The following COMMD2 variants were observed in gnomAD, a reference collection of about 807,000 sequenced individuals.
COMMD2 encodes the protein COMM domain-containing protein 2.
Under a neutral mutation model 22.5 loss-of-function variants are expected in COMMD2, and 25 were observed. The ratio of observed to expected loss-of-function variants is 1.11; its 90% CI spans 0.81 to 1.55. The LOEUF (loss-of-function observed/expected upper bound fraction) is 1.55. Ranked by LOEUF, COMMD2 falls within the 40% of genes most tolerant of loss-of-function variation. COMMD2 has a pLI of 0.00. For missense variants in COMMD2, 223 were observed against 232.9 expected, an observed-to-expected ratio of 0.96 and a Z score of 0.28; for synonymous variants, 98 against 91.2, an observed-to-expected ratio of 1.07 and a Z score of -0.42.
rs1159672337 is a variant in COMMD2 at position 149,738,569 on chromosome 3, A to G, written c.*2952T>C. ...GGTCTCATATAGTCCTTACGAGTCA[A>G]TGTGGTAGGTAATCCTATATTCCTA... On this transcript the variant is annotated 3_prime_UTR_variant, in exon 5 of 5. Transcript: ENST00000473414. 6.6e-6 allele frequency: 1 copy of G among 152,084 alleles called. No homozygotes were observed. Among genetic ancestry groups the G allele is most frequent in the Non-Finnish European group, 1.5e-5 (1 of 67,956 alleles). 9.4% of individuals were successfully genotyped at this position (152,084 alleles called of 1,614,324 possible). A position where few individuals can be genotyped will look rare whatever the true frequency, so the allele number is the denominator to read the frequency against.
At chr3:149,747,968 A>G (rs891262933) in intron 4 of COMMD2, among the ~76,000 whole-genome samples, 1 of 151,580 alleles carries the variant, frequency 6.6e-6, no homozygotes, top group Non-Finnish European at 1.5e-5. Context: ...AAAAAAAAAA[A>G]AAAGGCTTAG....
At chr3:149,749,966 T>C (rs1687697617) in intron 4 of COMMD2, among the ~76,000 whole-genome samples, 1 of 152,222 alleles carries the variant, frequency 6.6e-6, no homozygotes, top group Non-Finnish European at 1.5e-5. Flanking sequence ...AGAAAGTATC[T>C]TACACTTCTT....
In COMMD2 at chr3:149,741,471, T is replaced by C; in HGVS notation, c.*50A>G. On this transcript the variant is annotated 3_prime_UTR_variant, in exon 5 of 5. Coordinates refer to ENST00000473414, the MANE Select transcript of COMMD2 (RefSeq NM_016094.4). ...TTAATTTTGAAAAGTAATTGCTGTA[T>C]ATCATCAATTCATAAGTGATTCAAA... The C allele has an allele frequency of 8.8e-6, 12 of 1,369,174 alleles. No homozygotes were observed. The highest frequency in any genetic ancestry group is 1.3e-5 in the Non-Finnish European group (12 of 957,972). 84.8% of individuals were successfully genotyped at this position (1,369,174 alleles called of 1,614,324 possible).
chr3:149,750,892 T>C (rs1716510464), intron 3 of COMMD2, 41 bp from the exon 4 acceptor site: 2 of 1,312,456 alleles, frequency 1.5e-6, no homozygotes, highest in African/African-American at 1.5e-5. Flanking sequence ...AATTTATCTT[T>C]GTCTAGCTAA....
Position 149,740,400 on chromosome 3 carries a change from G to A in COMMD2, c.*1121C>T, listed in dbSNP as rs1716178574. On this transcript the variant is annotated 3_prime_UTR_variant, in exon 5 of 5. Transcript: ENST00000473414. ...AAAAAGTGACTATAATTTGTATCCA[G>A]GACAATCAAGAATTGATTATATTTC... 1 of 152,128 alleles carries A rather than the reference G, an allele frequency of 6.6e-6. No homozygotes were observed. The highest frequency in any genetic ancestry group is 2.4e-5 in the African/African-American group (1 of 41,426). 9.4% of individuals were successfully genotyped at this position (152,128 alleles called of 1,614,324 possible).
chr3:149,749,443 T>C (rs141060009), intron 4 of COMMD2, among the ~76,000 whole-genome samples: 59 of 152,350 alleles, frequency 3.9e-4, no homozygotes, highest in African/African-American at 1.3e-3. Flanking sequence ...CCAAACTGTA[T>C]TGCACATTAG....
At chr3:149,752,182 T>C (rs1170151018) in intron 2 of COMMD2, 28 bp downstream of exon 2, 2 of 1,604,590 alleles carry the variant, frequency 1.2e-6, no homozygotes, top group African/African-American at 1.3e-5. Context: ...CCTAGAAGCC[T>C]GCGGAGCCTT....
At chr3:149,742,698 G>A (rs911797693) in intron 4 of COMMD2, among the ~76,000 whole-genome samples, 4 of 152,154 alleles carry the variant, frequency 2.6e-5, no homozygotes, top group Admixed American at 6.5e-5. Flanking sequence ...GCTAGGCACG[G>A]TGGCTCACGC....
chr3:149,750,811 C>T lies in COMMD2; in HGVS notation c.269G>A (p.Gly90Glu). ...LDFQDSVFVL[G>E]FSEELNKLLL... ...CAATTTGTTTAATTCTTCAGAGAAT[C>T]CCAGAACAAAAACAGAGTCTTGGAA... The change falls in exon 4 of 5, where the codon GGA becomes GAA. Residue 90 changes from glycine to glutamate, a missense_variant. Transcript: ENST00000473414. The T allele has an allele frequency of 6.3e-7, 1 of 1,597,894 alleles. No individual in the cohort carries two copies. Among genetic ancestry groups the T allele is most frequent in the Admixed American group, 1.7e-5 (1 of 58,128 alleles).
chr3:149,744,378 G>C (rs1414439933), intron 4 of COMMD2, among the ~76,000 whole-genome samples: 1 of 152,154 alleles, frequency 6.6e-6, no homozygotes, highest in Non-Finnish European at 1.5e-5. Flanking sequence ...ATGTGGGCAA[G>C]ACAGGAAAAG....
intron 4 of COMMD2, among the ~76,000 whole-genome samples, chr3:149,747,979 T>C (rs1033577034): frequency 7.3e-6 from 1 of 137,664 alleles, no homozygotes; most frequent in Non-Finnish European, 1.5e-5. Flanking sequence ...AAAGGCTTAG[T>C]ATAGAAAGGA....
intron 4 of COMMD2, among the ~76,000 whole-genome samples, chr3:149,747,702 T>G (rs538295799): frequency 2.0e-5 from 3 of 152,214 alleles, no homozygotes; most frequent in African/African-American, 7.2e-5. Context: ...TTGGGGAGGC[T>G]GAGGCAGGTG....
rs778581301 is a variant in COMMD2 at position 149,750,669 on chromosome 3, A to G, written c.402+9T>C. On this transcript the variant is annotated intron_variant, in intron 4 of 4. Transcript: ENST00000473414. Reference sequence around the variant, plus strand: ...ATTCTATGTTAAGTTAATTTTAAAAATGCTATACCTGTACATCTAGTCGCC... The same window carrying G: ...ATTCTATGTTAAGTTAATTTTAAAAGTGCTATACCTGTACATCTAGTCGCC... 2.6e-6 allele frequency: 4 copies of G among 1,516,602 alleles called. No homozygotes were observed. Among genetic ancestry groups the G allele is most frequent in the Non-Finnish European group, 3.5e-6 (4 of 1,127,756 alleles). 93.9% of individuals were successfully genotyped at this position (1,516,602 alleles called of 1,614,324 possible). A position where few individuals can be genotyped will look rare whatever the true frequency, so the allele number is the denominator to read the frequency against.
chr3:149,750,509 C>A (rs1227466780), intron 4 of COMMD2, 169 bp downstream of exon 4: 1 of 526,170 alleles, frequency 1.9e-6, no homozygotes, highest in Non-Finnish European at 3.4e-6. Flanking sequence ...TTTGAACACA[C>A]TGAAAATAAA....
chr3:149,744,429 A>T (rs1716312302), intron 4 of COMMD2, among the ~76,000 whole-genome samples: 1 of 152,234 alleles, frequency 6.6e-6, no homozygotes, highest in Non-Finnish European at 1.5e-5. Context: ...TCCTAAAAGG[A>T]ACATCCTCCT....
intron 4 of COMMD2, among the ~76,000 whole-genome samples, 181 bp from the exon 5 acceptor site, chr3:149,741,899 T>A (rs1716239820): frequency 6.6e-6 from 1 of 152,106 alleles, no homozygotes. Context: ...ACCAATTTTA[T>A]GGTATAGAAG....
chr3:149,746,543 G>A (rs561434181), intron 4 of COMMD2, among the ~76,000 whole-genome samples: 3 of 151,872 alleles, frequency 2.0e-5, no homozygotes, highest in African/African-American at 4.8e-5. Context: ...AGGCCAAGGC[G>A]GGCAGATCAC....
rs1716137129 is a variant in COMMD2, at chr3:149,738,961, TC to T, written c.*2559del. 6.6e-6 allele frequency: 1 copy of T among 152,184 alleles called. No homozygotes were observed. The highest frequency in any genetic ancestry group is 2.4e-5 in the African/African-American group (1 of 41,456). 9.4% of individuals were successfully genotyped at this position (152,184 alleles called of 1,614,324 possible). Reference sequence around the variant, plus strand: ...ATTTTGTGAAACATTTAAGGAGACTTCCAAGGAATGTAACATATGTAGACTT... The same window carrying T: ...ATTTTGTGAAACATTTAAGGAGACTTCAAGGAATGTAACATATGTAGACTT... On this transcript the variant is annotated 3_prime_UTR_variant, in exon 5 of 5. Coordinates refer to ENST00000473414, the MANE Select transcript of COMMD2 (RefSeq NM_016094.4).
In COMMD2 at chr3:149,741,720, T is replaced by C. The variant is rs1559853929; in HGVS notation, c.403-2A>G. 1 of 1,610,520 alleles carries C rather than the reference T, an allele frequency of 6.2e-7. No homozygotes were observed. The highest frequency in any genetic ancestry group is 2.2e-5 in the East Asian group (1 of 44,826). ...TTGCCTGAGACTTCTACTTGCAAGC[T>C]TGATTTTAAATGAAATAAGAGCACA... On this transcript the variant is annotated splice_acceptor_variant, in intron 4 of 4. Coordinates refer to ENST00000473414, the MANE Select transcript of COMMD2 (RefSeq NM_016094.4). LOFTEE classifies it high-confidence loss of function.
Sources: gnomAD v4.1 joint callset for allele counts (sites outside exome capture counted in the v4.1 genomes callset) on GRCh38, gnomAD v4.1.1 for gene constraint, MANE v1.5 for transcripts, NCBI Gene and HGNC (gene_info 2026-07-23, HGNC 2026-07-21) for gene names.